The following EXOC4 variants were observed in gnomAD, a reference collection of about 807,000 sequenced individuals.
EXOC4 encodes exocyst complex component 4.
A neutral mutation model predicts 107.2 loss-of-function variants in EXOC4; 71 were observed. The ratio of observed to expected loss-of-function variants is 0.66; its 90% CI spans 0.55 to 0.81. EXOC4 has a LOEUF of 0.81. Ranked by LOEUF, EXOC4 falls within the 30% of genes least tolerant of loss-of-function variation. The pLI is 0.00. For missense variants in EXOC4, 1,108 were observed against 1,189.6 expected, an observed-to-expected ratio of 0.93 and a Z score of 1.01; for synonymous variants, 456 against 441.2, an observed-to-expected ratio of 1.03 and a Z score of -0.42.
intron 10 of EXOC4, among the ~76,000 whole-genome samples, chr7:133,760,773 A>G (rs1281437622): frequency 6.6e-6 from 1 of 152,152 alleles, no homozygotes; most frequent in African/African-American, 2.4e-5. Context: ...AGCATGCTTA[A>G]TGTCCTATCA....
chr7:133,269,031 A>T (rs1793802631), intron 1 of EXOC4, among the ~76,000 whole-genome samples: 1 of 152,210 alleles, frequency 6.6e-6, no homozygotes. Flanking sequence ...TGAGAATAGG[A>T]ATGGAAAAAA....
chr7:134,082,070 G>T, the EXOC4 span, among the ~76,000 whole-genome samples: 2 of 152,168 alleles, frequency 1.3e-5, no homozygotes, highest in Non-Finnish European at 2.9e-5. Context: ...ACACAAGAAA[G>T]AATTCAGGGG....
At chr7:133,974,110 C>A (rs1389698059) in intron 14 of EXOC4, among the ~76,000 whole-genome samples, 2 of 152,162 alleles carry the variant, frequency 1.3e-5, no homozygotes, top group African/African-American at 4.8e-5. Context: ...AAGTTTTCAG[C>A]CCATGCTTTT....
At chr7:133,656,936 TA>T (rs759488763) in intron 10 of EXOC4, among the ~76,000 whole-genome samples, 45 of 152,240 alleles carry the variant, frequency 3.0e-4, no homozygotes, top group Admixed American at 1.9e-3. Flanking sequence ...AAATGGCACT[TA>T]GGGGAACAAA....
At chr7:133,830,349 CAG>C (rs549686796) in intron 11 of EXOC4, among the ~76,000 whole-genome samples, 255 of 152,342 alleles carry the variant, frequency 1.7e-3, no homozygotes, top group African/African-American at 4.6e-3. Flanking sequence ...CCTGCCCGAG[CAG>C]AGAGTAGGCT....
At chr7:133,819,636 A>C (rs925997463) in intron 11 of EXOC4, among the ~76,000 whole-genome samples, 5 of 152,166 alleles carry the variant, frequency 3.3e-5, no homozygotes, top group Non-Finnish European at 7.3e-5. Context: ...GTGTTGTCTG[A>C]CCATATCATT....
chr7:133,633,119 CTT>C (rs760747080), intron 10 of EXOC4, among the ~76,000 whole-genome samples: 3 of 152,154 alleles, frequency 2.0e-5, no homozygotes, highest in Non-Finnish European at 4.4e-5. Context: ...AAGCTCCTCT[CTT>C]GGTAGCTGCA....
intron 10 of EXOC4, among the ~76,000 whole-genome samples, chr7:133,746,714 A>G (rs947724110): frequency 2.6e-5 from 4 of 152,206 alleles, no homozygotes; most frequent in African/African-American, 9.6e-5. Flanking sequence ...GTAACGATAC[A>G]CACAGGTTCA....
At chr7:133,537,962 T>C (rs1215646125) in intron 9 of EXOC4, among the ~76,000 whole-genome samples, 4 of 152,216 alleles carry the variant, frequency 2.6e-5, no homozygotes, top group African/African-American at 4.8e-5. Flanking sequence ...GTTTCCTTTC[T>C]TTAGTAGGAA....
At chr7:133,418,136 A>G (rs1255523048) in intron 7 of EXOC4, among the ~76,000 whole-genome samples, 1 of 152,322 alleles carries the variant, frequency 6.6e-6, no homozygotes, top group Middle Eastern at 3.4e-3. Context: ...ACAAGAGACA[A>G]CTATATGTAT....
chr7:134,060,383 A>G (rs1585362336), intron 17 of EXOC4, among the ~76,000 whole-genome samples: 1 of 152,212 alleles, frequency 6.6e-6, no homozygotes, highest in Non-Finnish European at 1.5e-5. Flanking sequence ...ATTGTAGGCT[A>G]TGAAGAGTCT....
intron 2 of EXOC4, among the ~76,000 whole-genome samples, chr7:133,280,824 A>G (rs1794119200): frequency 6.6e-6 from 1 of 152,176 alleles, no homozygotes; most frequent in Non-Finnish European, 1.5e-5. Flanking sequence ...GTAGAACAAC[A>G]TGGTTTGCTA....
At chr7:133,559,258 TATA>T (rs1800762647) in intron 9 of EXOC4, among the ~76,000 whole-genome samples, 1 of 152,190 alleles carries the variant, frequency 6.6e-6, no homozygotes, top group Admixed American at 6.5e-5. Flanking sequence ...TATGCAAATG[TATA>T]ATGTTTGTGT....
At chr7:133,650,691 C>T (rs1200507593) in intron 10 of EXOC4, among the ~76,000 whole-genome samples, 2 of 152,080 alleles carry the variant, frequency 1.3e-5, no homozygotes, top group Non-Finnish European at 2.9e-5. Flanking sequence ...ATAATCCTGG[C>T]CGACTTCGTA....
chr7:133,416,872 G>A (rs1243571780), intron 7 of EXOC4, among the ~76,000 whole-genome samples: 1 of 152,138 alleles, frequency 6.6e-6, no homozygotes, highest in Non-Finnish European at 1.5e-5. Context: ...GTGCCCTCCT[G>A]TTGGTAGGAA....
At chr7:134,060,575 T>G (rs1222785282) in intron 17 of EXOC4, among the ~76,000 whole-genome samples, 1 of 152,202 alleles carries the variant, frequency 6.6e-6, no homozygotes, top group Non-Finnish European at 1.5e-5. Flanking sequence ...CCTCAATAAG[T>G]GCTGATAAAT....
At chr7:133,294,636 C>T (rs1794478912) in intron 3 of EXOC4, among the ~76,000 whole-genome samples, 1 of 151,914 alleles carries the variant, frequency 6.6e-6, no homozygotes. Context: ...TGCCTTCTTC[C>T]CAGAGGATCC....
At chr7:133,321,595 T>C (rs1178103327) in intron 5 of EXOC4, among the ~76,000 whole-genome samples, 2 of 152,204 alleles carry the variant, frequency 1.3e-5, no homozygotes, top group East Asian at 3.8e-4. Context: ...ATGGTGTATA[T>C]GTGCCACATT....
intron 11 of EXOC4, among the ~76,000 whole-genome samples, chr7:133,825,856 T>C (rs569070832): frequency 2.0e-5 from 3 of 152,232 alleles, no homozygotes; most frequent in African/African-American, 7.2e-5. Context: ...TTTTTCCCCC[T>C]GTAAGCTCTG....
Sources: allele counts gnomAD v4.1 joint callset (sites outside exome capture counted in the v4.1 genomes callset), GRCh38; gene constraint gnomAD v4.1.1; transcripts MANE v1.5; gene names NCBI Gene and HGNC (gene_info 2026-07-23, HGNC 2026-07-21).